Variants in CIROZ observed in about 807,000 individuals in gnomAD.
The protein encoded by CIROZ is ciliated left-right organizer ZP-N domains-containing protein.
the CIROZ span, among the ~76,000 whole-genome samples, chr1:10,972,320 G>A: frequency 2.6e-5 from 4 of 152,078 alleles, no homozygotes; most frequent in East Asian, 1.9e-4. Flanking sequence ...CAGCAGGATC[G>A]CCTTTACCCA....
At chr1:10,948,230 C>T in the CIROZ span, 1 of 1,613,974 alleles carries the variant, frequency 6.2e-7, no homozygotes, top group African/African-American at 1.3e-5. Context: ...CCCTGGCCCC[C>T]TCCCTGGGGA....
the CIROZ span, chr1:10,949,409 G>A: frequency 8.3e-6 from 5 of 605,400 alleles, no homozygotes; most frequent in Admixed American, 1.2e-4. Context: ...AGATGAGGGG[G>A]GCTGCCCTCA....
the CIROZ span, chr1:10,949,052 C>T: frequency 2.4e-6 from 1 of 425,366 alleles, no homozygotes; most frequent in Non-Finnish European, 4.1e-6. Flanking sequence ...TGGTGAAACC[C>T]CATCTCTACT....
chr1:10,977,674 T>A, the CIROZ span, among the ~76,000 whole-genome samples: 95 of 152,094 alleles, frequency 6.2e-4, no homozygotes, highest in African/African-American at 2.2e-3. Context: ...CAATGGAACC[T>A]CCCCCATGAA....
the CIROZ span, chr1:10,947,987 A>G: frequency 1.2e-6 from 2 of 1,613,518 alleles, no homozygotes; most frequent in Non-Finnish European, 1.7e-6. Flanking sequence ...GTGTCAGAAG[A>G]GCTGCTGGGC....
the CIROZ span, among the ~76,000 whole-genome samples, chr1:10,951,193 G>T: frequency 6.6e-6 from 1 of 152,160 alleles, no homozygotes; most frequent in Admixed American, 6.5e-5. Flanking sequence ...CAGCACTTCG[G>T]GAGGCCAAGG....
the CIROZ span, among the ~76,000 whole-genome samples, chr1:10,969,472 A>G: frequency 2.0e-5 from 3 of 152,040 alleles, no homozygotes; most frequent in Non-Finnish European, 4.4e-5. Context: ...ATGGCCTCCC[A>G]TTTCTCCCAA....
chr1:10,971,805 T>C, the CIROZ span, among the ~76,000 whole-genome samples: 1 of 152,342 alleles, frequency 6.6e-6, no homozygotes, highest in South Asian at 2.1e-4. Flanking sequence ...TTGACCACTC[T>C]ATCCCCAGGG....
At chr1:10,961,029 G>A in the CIROZ span, among the ~76,000 whole-genome samples, 1 of 152,224 alleles carries the variant, frequency 6.6e-6, no homozygotes, top group East Asian at 1.9e-4. Flanking sequence ...CCCACACCTC[G>A]GTCAGTGAAG....
chr1:10,955,283 T>C, the CIROZ span: 31 of 1,171,792 alleles, frequency 2.6e-5, no homozygotes, highest in Admixed American at 5.5e-4. Context: ...GCCACACCTG[T>C]GGCCGGCACA....
chr1:10,982,068 G>A, the CIROZ span: 25 of 1,537,068 alleles, frequency 1.6e-5, no homozygotes, highest in Non-Finnish European at 2.2e-5. Flanking sequence ...TCCTGCCCTG[G>A]GAGAATTTAA....
At chr1:10,961,550 G>T in the CIROZ span, among the ~76,000 whole-genome samples, 2 of 152,184 alleles carry the variant, frequency 1.3e-5, no homozygotes, top group Non-Finnish European at 2.9e-5. Flanking sequence ...CAGATCAGAT[G>T]AGAAGAAAGC....
chr1:10,981,058 T>TGGGA, the CIROZ span, among the ~76,000 whole-genome samples: 1 of 152,378 alleles, frequency 6.6e-6, no homozygotes, highest in South Asian at 2.1e-4. Context: ...CCAGCTGGCC[T>TGGGA]GGGAGGCTTC....
At chr1:10,957,013 T>G in the CIROZ span, 2 of 1,549,376 alleles carry the variant, frequency 1.3e-6, no homozygotes. Context: ...GGGGCACTCC[T>G]GGGTCTTACC....
chr1:10,981,716 G>T, the CIROZ span, among the ~76,000 whole-genome samples: 2 of 152,152 alleles, frequency 1.3e-5, no homozygotes, highest in African/African-American at 4.8e-5. Flanking sequence ...CAAGGAAGAC[G>T]TGTTCTGTTT....
the CIROZ span, chr1:10,948,126 G>A: frequency 6.2e-7 from 1 of 1,613,566 alleles, no homozygotes; most frequent in Non-Finnish European, 8.5e-7. Flanking sequence ...CCTCACACTT[G>A]GGGTGGAGAA....
chr1:10,957,576 G>T, the CIROZ span: 1 of 1,609,292 alleles, frequency 6.2e-7, no homozygotes, highest in African/African-American at 1.3e-5. Flanking sequence ...TGCCCCAGAG[G>T]CCCCTCACCT....
the CIROZ span, chr1:10,954,136 G>T: frequency 6.2e-7 from 1 of 1,612,344 alleles, no homozygotes; most frequent in Non-Finnish European, 8.5e-7. Flanking sequence ...CCGACTTCTT[G>T]GCATCGCTGT....
chr1:10,975,596 A>G, the CIROZ span, among the ~76,000 whole-genome samples: 1 of 151,680 alleles, frequency 6.6e-6, no homozygotes, highest in Non-Finnish European at 1.5e-5. Context: ...CTCAGAAAAA[A>G]AAAAAAAAAG....
Sources: gnomAD v4.1 joint callset for allele counts (sites outside exome capture counted in the v4.1 genomes callset) on GRCh38, gnomAD v4.1.1 for gene constraint, MANE v1.5 for transcripts, NCBI Gene and HGNC (gene_info 2026-07-23, HGNC 2026-07-21) for gene names.